The following ITPR2 variants were observed in gnomAD, a reference collection of about 807,000 sequenced individuals.
ITPR2 encodes inositol 1,4,5-trisphosphate receptor type 2.
A neutral mutation model predicts 317.1 loss-of-function variants in ITPR2; 207 were observed. The observed-to-expected ratio is 0.65, with a 90% CI of 0.58 to 0.73. The LOEUF is 0.73. ITPR2 is among the 30% of genes least tolerant of loss of function. The pLI, the probability that ITPR2 is intolerant of heterozygous loss-of-function variation, is 0.00. For missense variants in ITPR2, 2,613 were observed against 3,284.0 expected (o/e 0.80, Z 4.99); for synonymous variants, 1,156 against 1,149.1 (o/e 1.01, Z -0.12).
At chr12:26,524,602 T>TA (rs1215952043) in intron 37 of ITPR2, among the ~76,000 whole-genome samples, 1 of 152,152 alleles carries the variant, frequency 6.6e-6, no homozygotes, top group African/African-American at 2.4e-5. Flanking sequence ...TTTAAATTTT[T>TA]AAAAAACAGG....
chr12:26,626,736 G>C (rs1352632588), intron 23 of ITPR2, among the ~76,000 whole-genome samples: 3 of 152,246 alleles, frequency 2.0e-5, no homozygotes, highest in Admixed American at 2.0e-4. Context: ...AGTTGGTCTA[G>C]TATCCATTTT....
At chr12:26,741,931 G>C (rs1330789787) in intron 2 of ITPR2, among the ~76,000 whole-genome samples, 1 of 152,180 alleles carries the variant, frequency 6.6e-6, no homozygotes, top group African/African-American at 2.4e-5. Flanking sequence ...GGGAAGGAGA[G>C]GGTTCCTAAA....
intron 21 of ITPR2, among the ~76,000 whole-genome samples, chr12:26,642,030 G>A (rs1220364556): frequency 6.6e-6 from 1 of 152,152 alleles, no homozygotes; most frequent in Non-Finnish European, 1.5e-5. Flanking sequence ...AAGCTGGTGA[G>A]AGAACCAGCC....
intron 2 of ITPR2, among the ~76,000 whole-genome samples, chr12:26,755,708 T>C (rs1321335081): frequency 2.0e-5 from 3 of 152,366 alleles, no homozygotes; most frequent in South Asian, 4.1e-4. Context: ...TAAGACACAA[T>C]TGAAGAAACC....
intron 55 of ITPR2, among the ~76,000 whole-genome samples, chr12:26,344,404 T>A (rs2136546787): frequency 6.6e-6 from 1 of 152,258 alleles, no homozygotes; most frequent in Non-Finnish European, 1.5e-5. Flanking sequence ...ATGTGAGGGA[T>A]GGTGAAAACA....
At chr12:26,354,453 G>A (rs913260218) in intron 55 of ITPR2, among the ~76,000 whole-genome samples, 1 of 152,052 alleles carries the variant, frequency 6.6e-6, no homozygotes, top group Non-Finnish European at 1.5e-5. Flanking sequence ...CTCAAGGAAG[G>A]GTCCACCACA....
At chr12:26,696,101 TATAAG>T (rs1948342940) in intron 9 of ITPR2, among the ~76,000 whole-genome samples, 1 of 152,222 alleles carries the variant, frequency 6.6e-6, no homozygotes, top group African/African-American at 2.4e-5. Flanking sequence ...AGGAGCTACA[TATAAG>T]ATATGTGAGC....
chr12:26,577,809 G>A (rs1271439229), intron 34 of ITPR2, among the ~76,000 whole-genome samples: 1 of 152,108 alleles, frequency 6.6e-6, no homozygotes, highest in Non-Finnish European at 1.5e-5. Context: ...AATTAGTTAA[G>A]TCATTTATTC....
chr12:26,832,999 C>G lies in ITPR2; in HGVS notation c.-218G>C, dbSNP rs574944603. The G allele has an allele frequency of 7.2e-4, 366 of 508,624 alleles. 2 individuals carry two copies. The East Asian group carries it at 0.014, about 19-fold the overall frequency. The allele number at this position is 508,624 out of a possible 1,614,324, so 31.5% of individuals were successfully genotyped here. A position where few individuals can be genotyped will look rare whatever the true frequency, so the allele number is the denominator to read the frequency against. The stretch of plus-strand genomic sequence containing the variant: ...GGCCAAGCCGCAGCTGCGGACACCC[C>G]GCGAAGAGCGCAGCCCAGGCGCCCA... On this transcript the variant is annotated 5_prime_UTR_variant, in exon 1 of 57. Coordinates refer to ENST00000381340, the MANE Select transcript of ITPR2 (RefSeq NM_002223.4).
intron 1 of ITPR2, among the ~76,000 whole-genome samples, chr12:26,819,842 G>A (rs986988932): frequency 1.1e-4 from 17 of 151,940 alleles, no homozygotes; most frequent in Middle Eastern, 3.4e-3. Flanking sequence ...CGAGGCAGGC[G>A]GATCACTTGA....
At chr12:26,688,591 T>G (rs1948175356) in intron 10 of ITPR2, among the ~76,000 whole-genome samples, 3 of 147,820 alleles carry the variant, frequency 2.0e-5, no homozygotes, top group East Asian at 2.0e-4. Flanking sequence ...GGAGAGGAGG[T>G]GGGGAGAAAG....
chr12:26,708,163 GCAGC>G (rs1215332264), intron 9 of ITPR2, among the ~76,000 whole-genome samples: 1 of 152,136 alleles, frequency 6.6e-6, no homozygotes, highest in Admixed American at 6.5e-5. Flanking sequence ...GTAAATTAGT[GCAGC>G]CACTATAGAG....
intron 35 of ITPR2, among the ~76,000 whole-genome samples, chr12:26,560,599 A>C (rs1180157250): frequency 6.6e-6 from 1 of 152,008 alleles, no homozygotes; most frequent in Non-Finnish European, 1.5e-5. Context: ...TATCTGCAAC[A>C]CCTATTTCTT....
At chr12:26,386,305 A>C (rs1939661950) in intron 55 of ITPR2, among the ~76,000 whole-genome samples, 1 of 152,240 alleles carries the variant, frequency 6.6e-6, no homozygotes, top group African/African-American at 2.4e-5. Context: ...TTGTCCAATG[A>C]AGAATGCAGA....
At position 26,716,392 on chromosome 12, in the gene ITPR2, T is replaced by C. The variant is rs568733193; in HGVS notation, c.526-150A>G. The C allele has an allele frequency of 1.0e-5, 6 of 583,266 alleles. No individual in the cohort carries two copies. The South Asian group carries it at 1.1e-4, about 10-fold the overall frequency. The allele number at this position is 583,266 out of a possible 1,614,324, so 36.1% of individuals were successfully genotyped here. A position where few individuals can be genotyped will look rare whatever the true frequency, so the allele number is the denominator to read the frequency against. On this transcript the variant is annotated intron_variant, in intron 5 of 56. Transcript: ENST00000381340. ...ACAAATTTTCATACAATCCTTTTTCTCTTTGAGGTAAAATATCTTCTAATA... is the reference window on the plus strand; with the variant it reads ...ACAAATTTTCATACAATCCTTTTTCCCTTTGAGGTAAAATATCTTCTAATA...
At chr12:26,641,690 A>C (rs1946992276) in intron 21 of ITPR2, among the ~76,000 whole-genome samples, 1 of 152,340 alleles carries the variant, frequency 6.6e-6, no homozygotes, top group Admixed American at 6.5e-5. Context: ...ATACCTTTAC[A>C]TAGAAATCCC....
chr12:26,547,803 C>T (rs1036001258), intron 37 of ITPR2, among the ~76,000 whole-genome samples: 1 of 152,186 alleles, frequency 6.6e-6, no homozygotes, highest in Admixed American at 6.5e-5. Context: ...AGAAGTTTAT[C>T]TGAATCTTTA....
At chr12:26,522,841 C>CG (rs201907857) in intron 37 of ITPR2, among the ~76,000 whole-genome samples, 2,501 of 151,616 alleles carry the variant, frequency 0.016, 63 homozygotes, top group African/African-American at 0.055. Flanking sequence ...GCTTCCACGG[C>CG]GGGGGGGGAA....
At chr12:26,742,682 C>T (rs1316616291) in intron 2 of ITPR2, among the ~76,000 whole-genome samples, 1 of 151,950 alleles carries the variant, frequency 6.6e-6, no homozygotes, top group Non-Finnish European at 1.5e-5. Flanking sequence ...GGAGTGGTGG[C>T]GGGTGCCTGT....
Sources: allele counts gnomAD v4.1 joint callset (sites outside exome capture counted in the v4.1 genomes callset), GRCh38; gene constraint gnomAD v4.1.1; transcripts MANE v1.5; gene names NCBI Gene and HGNC (gene_info 2026-07-23, HGNC 2026-07-21).